The following ADAMTS14 variants were observed in gnomAD, a reference collection of about 807,000 sequenced individuals.
ADAMTS14 encodes ADAM metallopeptidase with thrombospondin type 1 motif 14, also known as A disintegrin and metalloproteinase with thrombospondin motifs 14.
A neutral mutation model predicts 128.6 loss-of-function variants in ADAMTS14; 100 were observed. The observed-to-expected ratio is 0.78, with a 90% confidence interval of 0.66 to 0.92. The LOEUF is 0.92. ADAMTS14 is among the 40% of genes least tolerant of loss of function. The pLI, the probability that ADAMTS14 is intolerant of heterozygous loss-of-function variation, is 0.00. For missense variants in ADAMTS14, 1,562 were observed against 1,658.6 expected (o/e 0.94, Z 1.01); for synonymous variants, 665 against 653.8 (o/e 1.02, Z -0.26).
chr10:70,702,047 T>C (rs1564527415), intron 2 of ADAMTS14, among the ~76,000 whole-genome samples: 2 of 152,194 alleles, frequency 1.3e-5, no homozygotes, highest in Non-Finnish European at 2.9e-5. Flanking sequence ...TAGAGCCCCA[T>C]GGATAGACAA....
intron 4 of ADAMTS14, among the ~76,000 whole-genome samples, chr10:70,709,722 G>A (rs1029869105): frequency 6.6e-5 from 10 of 152,012 alleles, no homozygotes; most frequent in Non-Finnish European, 1.3e-4. Flanking sequence ...GGATGGTCTG[G>A]ATCTCCTGAC....
At chr10:70,751,355 C>T (rs1263894762) in intron 16 of ADAMTS14, 123 bp from the exon 17 acceptor site, 2 of 979,258 alleles carry the variant, frequency 2.0e-6, no homozygotes, top group East Asian at 2.4e-5. Flanking sequence ...TGGGCACAAC[C>T]TCATCCTAGC....
chr10:70,743,462 C>A, intron 12 of ADAMTS14, 86 bp from the exon 13 acceptor site: 3 of 1,478,180 alleles, frequency 2.0e-6, no homozygotes, highest in South Asian at 2.8e-5. Flanking sequence ...GGCCCCGGAG[C>A]TTTCTGGCTG....
intron 6 of ADAMTS14, among the ~76,000 whole-genome samples, 196 bp from the exon 7 acceptor site, chr10:70,732,058 T>C (rs1016504540): frequency 6.6e-6 from 1 of 152,112 alleles, no homozygotes; most frequent in Non-Finnish European, 1.5e-5. Context: ...AGGGAAGCCA[T>C]CAAGCCCTAG....
Position 70,761,148 on chromosome 10 carries a change from T to C in ADAMTS14, c.*295T>C. The stretch of plus-strand genomic sequence containing the variant: ...AAGACCAGGGTCAACTATTGCTCCC[T>C]CCTCACAGACCCTGGGCCTGGGCAG... On this transcript the variant is annotated 3_prime_UTR_variant, in exon 22 of 22. Transcript: ENST00000373207. 1 of 329,620 alleles carries C rather than the reference T, an allele frequency of 3.0e-6. No individual in the cohort carries two copies. Among genetic ancestry groups the C allele is most frequent in the Non-Finnish European group, 5.5e-6 (1 of 181,066 alleles). 20.4% of individuals were successfully genotyped at this position (329,620 alleles called of 1,614,324 possible).
chr10:70,759,278 T>C (rs2132763026), intron 21 of ADAMTS14, among the ~76,000 whole-genome samples: 1 of 152,006 alleles, frequency 6.6e-6, no homozygotes, highest in East Asian at 1.9e-4. Flanking sequence ...TCTCTGATCT[T>C]TCTCTTGTTC....
intron 4 of ADAMTS14, among the ~76,000 whole-genome samples, chr10:70,712,111 A>G: frequency 6.6e-6 from 1 of 152,144 alleles, no homozygotes; most frequent in East Asian, 1.9e-4. Context: ...CCATGCTGGA[A>G]CACTTGACCG....
intron 4 of ADAMTS14, among the ~76,000 whole-genome samples, chr10:70,714,946 CAAAAAAA>C (rs58012076): frequency 6.3e-5 from 4 of 63,022 alleles, no homozygotes; most frequent in Non-Finnish European, 9.1e-5. Flanking sequence ...ACTGCAGTCT[CAAAAAAA>C]AAAAAAAAAA....
intron 6 of ADAMTS14, among the ~76,000 whole-genome samples, chr10:70,731,975 T>C (rs911799340): frequency 6.6e-6 from 1 of 152,102 alleles, no homozygotes; most frequent in Non-Finnish European, 1.5e-5. Context: ...ATTGTGGAAG[T>C]AGTGTGTTTG....
Position 70,745,277 on chromosome 10 carries a change from A to T in ADAMTS14, c.2234A>T (p.Glu745Val). The change falls in exon 15 of 22, where the codon GAG (glutamate) becomes GTG (valine). Residue 745 changes from glutamate (E) to valine (V), a missense_variant. Coordinates refer to ENST00000373207, the MANE Select transcript of ADAMTS14 (RefSeq NM_080722.4). ...GCAGGTGCCAGGCACATCCAGATTG[A>T]GGCACTGGAGAAGTCCCCCCACCGC... ...IPAGARHIQIEALEKSPHRIV... is the reference protein window; with the variant it reads ...IPAGARHIQIVALEKSPHRIV... The T allele has an allele frequency of 6.2e-7, 1 of 1,612,530 alleles. No homozygotes were observed. Among genetic ancestry groups the T allele is most frequent in the Non-Finnish European group, 8.5e-7 (1 of 1,179,946 alleles).
At chr10:70,727,168 G>A (rs147996370) in intron 4 of ADAMTS14, among the ~76,000 whole-genome samples, 4 of 152,338 alleles carry the variant, frequency 2.6e-5, no homozygotes, top group African/African-American at 4.8e-5. Flanking sequence ...GGTGATGCAC[G>A]CGGCTTCTGC....
intron 4 of ADAMTS14, among the ~76,000 whole-genome samples, chr10:70,712,913 G>T (rs566025038): frequency 3.3e-5 from 5 of 152,164 alleles, no homozygotes; most frequent in Admixed American, 1.3e-4. Context: ...GATTGGACTG[G>T]GTTACAGCCC....
At chr10:70,710,678 C>A (rs1419291535) in intron 4 of ADAMTS14, among the ~76,000 whole-genome samples, 1 of 152,216 alleles carries the variant, frequency 6.6e-6, no homozygotes, top group East Asian at 1.9e-4. Context: ...AGTTACGAAC[C>A]CTCTGGTGTG....
intron 15 of ADAMTS14, among the ~76,000 whole-genome samples, chr10:70,745,626 G>T (rs1297331319): frequency 1.3e-5 from 2 of 152,208 alleles, no homozygotes; most frequent in Non-Finnish European, 2.9e-5. Flanking sequence ...TTAAAGGAAA[G>T]CCATGTTCAC....
intron 11 of ADAMTS14, among the ~76,000 whole-genome samples, chr10:70,740,560 T>C (rs777481376): frequency 7.9e-5 from 12 of 152,158 alleles, no homozygotes; most frequent in Non-Finnish European, 1.8e-4. Flanking sequence ...TAGTTTATGA[T>C]GATATTAAGT....
In ADAMTS14 at chr10:70,688,905, G is replaced by GAGGGAGAGGGAGAGGGAGAGGGAC. The variant is rs1564521776; in HGVS notation, c.523-13405_523-13404insGGAGAGGGAGAGGGAGAGGGACAG. Reference sequence around the variant, plus strand: ...GGAGGGGGAGGGGGAGGGAGAGGGAGAGCCTTTGCTTTTAAGCCAGCCACA... The same window carrying GAGGGAGAGGGAGAGGGAGAGGGAC: ...GGAGGGGGAGGGGGAGGGAGAGGGAGAGGGAGAGGGAGAGGGAGAGGGACAGCCTTTGCTTTTAAGCCAGCCACA... On this transcript the variant is annotated intron_variant, in intron 2 of 21. Coordinates refer to ENST00000373207, the MANE Select transcript of ADAMTS14 (RefSeq NM_080722.4). 6.3e-5 allele frequency among the ~76,000 whole-genome samples: 3 copies of GAGGGAGAGGGAGAGGGAGAGGGAC among 47,542 alleles called. 1 individual carries two copies. The highest frequency in any genetic ancestry group is 8.1e-5 in the Non-Finnish European group (2 of 24,682). 31.2% of individuals were successfully genotyped at this position (47,542 alleles called of 152,430 possible).
Position 70,751,187 on chromosome 10 carries a change from C to A in ADAMTS14, c.2428-291C>A, listed in dbSNP as rs550541109. On this transcript the variant is annotated intron_variant, in intron 16 of 21. Transcript: ENST00000373207. ...GTGAGCAGAACAGACAGACAGACAG[C>A]CAGCCCTGCCCTCCCATCAGAACTG... Among the ~76,000 whole-genome samples, 129 of 152,286 alleles carry A rather than the reference C, an allele frequency of 8.5e-4. 1 individual carries two copies. Among genetic ancestry groups the A allele is most frequent in the South Asian group, 6.6e-3 (32 of 4,814 alleles).
rs920405727 is a variant in ADAMTS14 at position 70,672,926 on chromosome 10, G to T, written c.82+42G>T. 6.4e-6 allele frequency: 9 copies of T among 1,410,450 alleles called. No homozygotes were observed. The African/African-American group carries it at 1.4e-4, about 21-fold the overall frequency. The allele number at this position is 1,410,450 out of a possible 1,614,324, so 87.4% of individuals were successfully genotyped here. ...CGCGCGGGGGCCCGTGGGGTCCGGG[G>T]TGCACGCGGTCAGGGTGGCCCAAGG... On this transcript the variant is annotated intron_variant, in intron 1 of 21. Coordinates refer to ENST00000373207, the MANE Select transcript of ADAMTS14 (RefSeq NM_080722.4).
intron 4 of ADAMTS14, among the ~76,000 whole-genome samples, chr10:70,720,282 G>T (rs1336894261): frequency 6.6e-6 from 1 of 152,220 alleles, no homozygotes; most frequent in Non-Finnish European, 1.5e-5. Context: ...AGGGAAGATG[G>T]AGCAGCTGAG....
Sources: allele counts gnomAD v4.1 joint callset (sites outside exome capture counted in the v4.1 genomes callset), GRCh38; gene constraint gnomAD v4.1.1; transcripts MANE v1.5; gene names NCBI Gene and HGNC (gene_info 2026-07-23, HGNC 2026-07-21).